Variants in ABCB1 observed in about 807,000 individuals in gnomAD.
The protein encoded by ABCB1 is ATP-dependent translocase ABCB1.
ABCB1 carries 69 observed loss-of-function variants against 142.0 expected under a neutral mutation model. That is an observed-to-expected ratio of 0.49 (90% CI 0.40 to 0.59). The LOEUF (loss-of-function observed/expected upper bound fraction) is 0.59, where lower values mean the gene tolerates loss of function less well. Among genes scored for constraint, ABCB1 ranks in the 20% least tolerant of loss-of-function variants. ABCB1 has a pLI of 0.00. For missense variants in ABCB1, 1,326 were observed against 1,554.7 expected (o/e 0.85, Z 2.47); for synonymous variants, 532 against 539.2 (o/e 0.99, Z 0.18).
intron 1 of ABCB1, among the ~76,000 whole-genome samples, chr7:87,708,661 A>T (rs900713670): frequency 6.6e-6 from 1 of 151,914 alleles, no homozygotes; most frequent in Non-Finnish European, 1.5e-5. Flanking sequence ...AAACTCTCTT[A>T]AATGCTGACA....
At chr7:87,656,241 T>C (rs1350450440) in intron 1 of ABCB1, among the ~76,000 whole-genome samples, 3 of 152,048 alleles carry the variant, frequency 2.0e-5, no homozygotes, top group Admixed American at 1.3e-4. Context: ...ATACAATTTG[T>C]ATTTGTCAAT....
intron 1 of ABCB1, among the ~76,000 whole-genome samples, chr7:87,639,323 A>G (rs1287126463): frequency 6.6e-6 from 1 of 152,204 alleles, no homozygotes; most frequent in Non-Finnish European, 1.5e-5. Flanking sequence ...GTATATGGTT[A>G]ATTTCAACAT....
chr7:87,704,359 A>T (rs34398291), intron 1 of ABCB1, among the ~76,000 whole-genome samples: 232 of 152,358 alleles, frequency 1.5e-3, no homozygotes, highest in Middle Eastern at 3.4e-3. Context: ...TGCTACATAA[A>T]CATTCTCATT....
chr7:87,646,937 T>C (rs955492956), intron 1 of ABCB1, among the ~76,000 whole-genome samples: 12 of 152,164 alleles, frequency 7.9e-5, no homozygotes, highest in Non-Finnish European at 1.6e-4. Flanking sequence ...TCCTATATGT[T>C]ATTTCCCGTT....
At chr7:87,506,137 C>A in intron 26 of ABCB1, 94 bp from the exon 27 acceptor site, 1 of 1,327,024 alleles carries the variant, frequency 7.5e-7, no homozygotes, top group South Asian at 1.3e-5. Context: ...TCTATATACT[C>A]CAAAAATTTA....
intron 20 of ABCB1, 142 bp downstream of exon 20, chr7:87,536,316 G>T: frequency 1.3e-6 from 1 of 757,248 alleles, no homozygotes; most frequent in Non-Finnish European, 2.3e-6. Context: ...GCTACAAAAA[G>T]CATGTGATAT....
intron 1 of ABCB1, among the ~76,000 whole-genome samples, chr7:87,613,257 C>CTTTTTTTTTTTTTTT (rs67823385): frequency 6.5e-4 from 42 of 64,194 alleles, no homozygotes; most frequent in Middle Eastern, 0.021. Flanking sequence ...TCCTTTATTT[C>CTTTTTTTTTTTTTTT]TTTTTTTTTT....
At chr7:87,626,405 A>G (rs867455514) in intron 1 of ABCB1, among the ~76,000 whole-genome samples, 1 of 23,838 alleles carries the variant, frequency 4.2e-5, no homozygotes, top group Non-Finnish European at 5.8e-5. Flanking sequence ...TGTCATATGT[A>G]TGTGTCATAT....
In ABCB1 at chr7:87,549,434, G is replaced by T; in HGVS notation, c.1639C>A (p.Arg547Ser). 4 of 1,614,138 alleles carry T rather than the reference G, an allele frequency of 2.5e-6. No individual in the cohort carries two copies. Among genetic ancestry groups the T allele is most frequent in the Non-Finnish European group, 3.4e-6 (4 of 1,180,036 alleles). ...QRIAIARALVRNPKILLLDEA... is the reference protein window; with the variant it reads ...QRIAIARALVSNPKILLLDEA... ...TCCAGCAGGAGGATCTTGGGGTTGC[G>T]AACCAGGGCACGTGCAATGGCGATC... The change falls in exon 14 of 28, where the codon CGC (arginine) becomes AGC (serine). Residue 547 changes from arginine to serine, a missense_variant. Physicochemically the swap from Arg to Ser is moderately radical, Grantham distance 110. Coordinates refer to ENST00000622132, the MANE Select transcript of ABCB1 (RefSeq NM_001348946.2).
chr7:87,696,408 A>C (rs973697792), intron 1 of ABCB1, among the ~76,000 whole-genome samples: 2 of 152,160 alleles, frequency 1.3e-5, no homozygotes, highest in African/African-American at 4.8e-5. Flanking sequence ...CTAGCAGTTA[A>C]TCTGTATTTA....
chr7:87,536,244 C>G (rs1031424958), intron 20 of ABCB1, among the ~76,000 whole-genome samples: 9 of 152,218 alleles, frequency 5.9e-5, no homozygotes, highest in African/African-American at 2.2e-4. Context: ...ACAGCAATAG[C>G]AAATGGTTTA....
Position 87,504,016 on chromosome 7 carries a change from T to G in ABCB1, c.*227A>C. On this transcript the variant is annotated 3_prime_UTR_variant, in exon 28 of 28. Transcript: ENST00000622132. ...TTTTATCTTTTAAAATCTACTTTAATTCTGTTATAAAATTTATAATGCAGT... is the reference window on the plus strand; with the variant it reads ...TTTTATCTTTTAAAATCTACTTTAAGTCTGTTATAAAATTTATAATGCAGT... 1.7e-6 allele frequency: 1 copy of G among 593,022 alleles called. No individual in the cohort carries two copies. The highest frequency in any genetic ancestry group is 2.1e-5 in the South Asian group (1 of 46,780). The allele number at this position is 593,022 out of a possible 1,614,324, so 36.7% of individuals were successfully genotyped here. A position where few individuals can be genotyped will look rare whatever the true frequency, so the allele number is the denominator to read the frequency against.
At chr7:87,696,364 A>G (rs1828493270) in intron 1 of ABCB1, among the ~76,000 whole-genome samples, 2 of 152,078 alleles carry the variant, frequency 1.3e-5, no homozygotes, top group Admixed American at 1.3e-4. Context: ...TTTGTTTTTA[A>G]ATTTTCCTGT....
chr7:87,541,514 T>C, intron 17 of ABCB1, 50 bp from the exon 18 acceptor site: 5 of 1,267,638 alleles, frequency 3.9e-6, no homozygotes, highest in Non-Finnish European at 4.6e-6. Context: ...GAAGAACCCA[T>C]CCTGGACCTG....
intron 1 of ABCB1, among the ~76,000 whole-genome samples, chr7:87,669,321 T>A (rs1244486272): frequency 1.3e-5 from 2 of 152,224 alleles, no homozygotes; most frequent in African/African-American, 4.8e-5. Context: ...GTTTTCCATT[T>A]GCTTAGTAGA....
intron 1 of ABCB1, among the ~76,000 whole-genome samples, chr7:87,657,479 C>T (rs139302102): frequency 3.9e-5 from 6 of 152,272 alleles, no homozygotes; most frequent in African/African-American, 1.4e-4. Flanking sequence ...CCTCCTGAGG[C>T]TATAACAGTG....
chr7:87,560,416 G>A (rs893069286), intron 8 of ABCB1, among the ~76,000 whole-genome samples: 6 of 152,122 alleles, frequency 3.9e-5, no homozygotes, highest in African/African-American at 1.4e-4. Flanking sequence ...GTATACCTGA[G>A]ATCAAGAAAC....
chr7:87,550,401 C>T, intron 11 of ABCB1, 67 bp downstream of exon 11: 1 of 1,603,780 alleles, frequency 6.2e-7, no homozygotes. Context: ...TTTATAATCT[C>T]TACAAGAAAA....
chr7:87,538,393 T>C (rs146326419), intron 19 of ABCB1, among the ~76,000 whole-genome samples: 1 of 152,298 alleles, frequency 6.6e-6, no homozygotes. Flanking sequence ...TACATTTTCT[T>C]TCTAAATGGT....
Sources: allele counts gnomAD v4.1 joint callset (sites outside exome capture counted in the v4.1 genomes callset), GRCh38; gene constraint gnomAD v4.1.1; transcripts MANE v1.5; gene names NCBI Gene and HGNC (gene_info 2026-07-23, HGNC 2026-07-21).